VPS13C: variants seen among roughly 807,000 people sequenced by gnomAD.
VPS13C encodes intermembrane lipid transfer protein VPS13C.
VPS13C carries 358 observed loss-of-function variants against 456.8 expected under a neutral mutation model. The ratio of observed to expected loss-of-function variants is 0.78; its 90% CI spans 0.72 to 0.86. VPS13C has a LOEUF of 0.86. Among genes scored for constraint, VPS13C ranks in the 40% least tolerant of loss-of-function variants. VPS13C has a pLI of 0.00. For synonymous variants in VPS13C, 1,578 were observed against 1,486.7 expected (o/e 1.06, Z -1.41); for missense variants, 4,818 against 4,385.4 (o/e 1.10, Z -2.79).
At chr15:61,952,908 G>C (rs1225642186) in intron 38 of VPS13C, among the ~76,000 whole-genome samples, 3 of 150,830 alleles carry the variant, frequency 2.0e-5, no homozygotes, top group Admixed American at 2.0e-4. Flanking sequence ...TTTTTTTGTA[G>C]AGATGGGGTC....
chr15:61,990,892 G>A (rs547070831), intron 18 of VPS13C, 108 bp downstream of exon 18: 2 of 707,374 alleles, frequency 2.8e-6, no homozygotes. Flanking sequence ...AAGTAGCAGA[G>A]TGGAATTAAT....
Position 61,951,941 on chromosome 15 carries a change from T to C in VPS13C, c.4339A>G (p.Arg1447Gly). ...TLMKKSEKKGRPLHELNVLQL... is the reference protein window; with the variant it reads ...TLMKKSEKKGGPLHELNVLQL... ...AGGACATTTAGCTCATGTAAAGGCCTTCCTTTCTTTTCTGATTTTTTCATC... is the reference window on the plus strand; with the variant it reads ...AGGACATTTAGCTCATGTAAAGGCCCTCCTTTCTTTTCTGATTTTTTCATC... Residue 1447 changes from arginine (R) to glycine (G), a missense_variant, in exon 39 of 85, where the codon AGG (arginine) becomes GGG (glycine). By Grantham distance (125) the Arg-to-Gly change is moderately radical. This residue lies in a region of VPS13C where 4,552 missense variants were observed against 4,130.6 expected (regional missense o/e 1.10). Transcript: ENST00000644861. 2 of 1,613,416 alleles carry C rather than the reference T, an allele frequency of 1.2e-6. No homozygotes were observed. Among genetic ancestry groups the C allele is most frequent in the Non-Finnish European group, 1.7e-6 (2 of 1,179,732 alleles).
At chr15:61,955,163 A>T (rs1467841183) in intron 37 of VPS13C, among the ~76,000 whole-genome samples, 7 of 152,200 alleles carry the variant, frequency 4.6e-5, no homozygotes, top group Non-Finnish European at 7.3e-5. Context: ...AATACAAAAA[A>T]TAACAACAGC....
At position 61,907,346 on chromosome 15, in the gene VPS13C, A is replaced by T. The variant is rs756532154; in HGVS notation, c.9023T>A (p.Leu3008His). Residue 3008 changes from leucine to histidine, a missense_variant, in exon 66 of 85, where the codon CTT (leucine) becomes CAT (histidine). Physicochemically the swap from Leu to His is moderately conservative, Grantham distance 99 (BLOSUM62 -3). Transcript: ENST00000644861. ...EMVLLPRQAR[L>H]FAWADPTGTR... ...ACCAGTAGGATCTGCCCAGGCAAAA[A>T]GTCGAGCCTGTCTTGGCAGCAAGAC... 6.2e-7 allele frequency: 1 copy of T among 1,614,044 alleles called. No homozygotes were observed. Among genetic ancestry groups the T allele is most frequent in the Admixed American group, 1.7e-5 (1 of 60,018 alleles).
rs117485916 is a variant in VPS13C, at chr15:62,052,233, T to C, written c.101-7978A>G. 6.8e-3 allele frequency among the ~76,000 whole-genome samples: 1,031 copies of C among 152,366 alleles called. 1 individual carries two copies. The highest frequency in any genetic ancestry group is 0.011 in the Non-Finnish European group (736 of 68,038). ...TATTTATTTTTTAAGATTTTGTTTATGTATCTATAACATAAACATTATTTA... is the reference window on the plus strand; with the variant it reads ...TATTTATTTTTTAAGATTTTGTTTACGTATCTATAACATAAACATTATTTA... On this transcript the variant is annotated intron_variant, in intron 1 of 84. Coordinates refer to ENST00000644861, the MANE Select transcript of VPS13C (RefSeq NM_020821.3).
intron 5 of VPS13C, among the ~76,000 whole-genome samples, 192 bp from the exon 6 acceptor site, chr15:62,028,612 AACAC>A (rs912073656): frequency 2.8e-4 from 42 of 152,226 alleles, no homozygotes; most frequent in African/African-American, 1.0e-3. Context: ...TCGTTCTTTC[AACAC>A]ACAAACTTCT....
At chr15:62,035,290 T>C (rs903276337) in intron 3 of VPS13C, among the ~76,000 whole-genome samples, 3 of 151,992 alleles carry the variant, frequency 2.0e-5, no homozygotes, top group African/African-American at 4.8e-5. Flanking sequence ...TTGATAATCA[T>C]TATCCATTTA....
Position 61,942,072 on chromosome 15 carries a change from T to C in VPS13C, c.5149-5A>G, listed in dbSNP as rs745631480. ...TTGGAAATTGTTGAGGAAGTTCTGT[T>C]GGAAGAGACAGATATTTAGGGGAAA... On this transcript the variant is annotated splice_polypyrimidine_tract_variant and splice_region_variant and intron_variant, in intron 45 of 84. Coordinates refer to ENST00000644861, the MANE Select transcript of VPS13C (RefSeq NM_020821.3). The C allele has an allele frequency of 7.7e-6, 12 of 1,557,360 alleles. No homozygotes were observed. The highest frequency in any genetic ancestry group is 1.0e-5 in the Non-Finnish European group (12 of 1,148,788).
chr15:61,910,087 T>C (rs2043261064), intron 64 of VPS13C, 90 bp downstream of exon 64: 2 of 767,504 alleles, frequency 2.6e-6, no homozygotes, highest in Non-Finnish European at 3.2e-6. Context: ...GTAACAAACC[T>C]GCACGTTCTG....
At chr15:61,950,898 C>A (rs193108961) in intron 40 of VPS13C, 47 bp downstream of exon 40, 1 of 953,814 alleles carries the variant, frequency 1.0e-6, no homozygotes, top group Non-Finnish European at 1.5e-6. Context: ...GGTAATATAA[C>A]TTCATATATT....
At chr15:62,005,699 T>G (rs28872769) in intron 15 of VPS13C, among the ~76,000 whole-genome samples, 1 of 151,952 alleles carries the variant, frequency 6.6e-6, no homozygotes, top group African/African-American at 2.4e-5. Flanking sequence ...TTTTATTTTT[T>G]ATTTTATTTT....
rs754948726 is a variant in VPS13C at position 61,911,967 on chromosome 15, G to C, written c.8588C>G (p.Ser2863Ter). ...AAAGGGAGTCAGGGTAACTATTCGT[G>C]AAAGGTTGAAACTGCTCATTTTGAT... Reference protein sequence around the residue: ...VSIKMSSFNLSRIVTLTPFCT... With the variant: ...VSIKMSSFNL The change falls in exon 63 of 85, where the codon TCA (serine) becomes TGA (stop). Residue 2863 changes from serine to a stop codon, truncating the protein, a stop_gained. Transcript: ENST00000644861. LOFTEE classifies it high-confidence loss of function. 1 of 1,610,648 alleles carries C rather than the reference G, an allele frequency of 6.2e-7. No homozygotes were observed. Among genetic ancestry groups the C allele is most frequent in the Non-Finnish European group, 8.5e-7 (1 of 1,178,310 alleles).
At chr15:62,010,350 C>CA in intron 13 of VPS13C, 122 bp downstream of exon 13, 1 of 1,075,184 alleles carries the variant, frequency 9.3e-7, no homozygotes, top group Non-Finnish European at 1.2e-6. Context: ...AATTTTTAAA[C>CA]AGTCAAATCT....
At chr15:61,979,218 A>G (rs117987072) in intron 22 of VPS13C, among the ~76,000 whole-genome samples, 4,829 of 152,312 alleles carry the variant, frequency 0.032, 98 homozygotes, top group Non-Finnish European at 0.047. Flanking sequence ...GCAAGGATCA[A>G]TTCAGGAGTA....
intron 16 of VPS13C, 27 bp from the exon 17 acceptor site, chr15:61,991,829 C>T: frequency 6.2e-7 from 1 of 1,601,108 alleles, no homozygotes. Context: ...AAAAAATTTA[C>T]TTTAAGAATG....
intron 5 of VPS13C, 119 bp from the exon 6 acceptor site, chr15:62,028,539 A>G (rs2047713677): frequency 9.7e-7 from 1 of 1,029,276 alleles, no homozygotes; most frequent in Non-Finnish European, 1.4e-6. Flanking sequence ...TAACAGGGTA[A>G]TTAAAATTTG....
intron 74 of VPS13C, 81 bp from the exon 75 acceptor site, chr15:61,877,135 A>C: frequency 9.8e-7 from 1 of 1,025,168 alleles, no homozygotes; most frequent in Non-Finnish European, 1.4e-6. Context: ...ATGACAGCTA[A>C]TGCTAATCAT....
intron 10 of VPS13C, 32 bp from the exon 11 acceptor site, chr15:62,013,151 T>G: frequency 6.7e-7 from 1 of 1,483,268 alleles, no homozygotes; most frequent in Non-Finnish European, 9.3e-7. Context: ...GATCAGGCAA[T>G]CAACACACTG....
intron 66 of VPS13C, among the ~76,000 whole-genome samples, chr15:61,896,487 G>A (rs2042817673): frequency 6.6e-6 from 1 of 152,206 alleles, no homozygotes; most frequent in Non-Finnish European, 1.5e-5. Flanking sequence ...AGAAAGGGGT[G>A]ACGGACGGGA....
Sources: gnomAD v4.1 joint callset for allele counts (sites outside exome capture counted in the v4.1 genomes callset) on GRCh38, gnomAD v4.1.1 for gene constraint, gnomAD v4.1.1 regional missense constraint, MANE v1.5 for transcripts, NCBI Gene and HGNC (gene_info 2026-07-23, HGNC 2026-07-21) for gene names.